TBC1D9: variants seen among roughly 807,000 people sequenced by gnomAD.
The protein encoded by TBC1D9 is TBC1 domain family member 9, also known as TBC1 domain family member 9A.
Under a neutral mutation model 132.0 loss-of-function variants are expected in TBC1D9, and 63 were observed. The ratio of observed to expected loss-of-function variants is 0.48; its 90% CI spans 0.39 to 0.59. TBC1D9 has a LOEUF of 0.59. TBC1D9 is among the 20% of genes least tolerant of loss of function. The pLI is 0.00. For synonymous variants in TBC1D9, 610 were observed against 609.9 expected (o/e 1.00, Z 0.00); for missense variants, 1,261 against 1,592.7 (o/e 0.79, Z 3.54).
chr4:140,661,380 T>C (rs929674161), intron 10 of TBC1D9, among the ~76,000 whole-genome samples: 2 of 152,218 alleles, frequency 1.3e-5, no homozygotes, highest in African/African-American at 4.8e-5. Context: ...ATATAAAAGC[T>C]CTATTCAAGG....
chr4:140,709,144 C>T (rs1344836924), intron 1 of TBC1D9, among the ~76,000 whole-genome samples: 1 of 151,658 alleles, frequency 6.6e-6, no homozygotes, highest in African/African-American at 2.4e-5. Flanking sequence ...CTTCTCATAA[C>T]CCCATTCTAG....
At chr4:140,731,819 G>T (rs895949813) in intron 1 of TBC1D9, among the ~76,000 whole-genome samples, 8 of 151,984 alleles carry the variant, frequency 5.3e-5, no homozygotes, top group Non-Finnish European at 1.5e-5. Context: ...GGTGGAATTT[G>T]GTCTCAAAGC....
At chr4:140,682,834 T>C (rs1174423014) in intron 3 of TBC1D9, among the ~76,000 whole-genome samples, 2 of 152,194 alleles carry the variant, frequency 1.3e-5, no homozygotes, top group Non-Finnish European at 2.9e-5. Flanking sequence ...AGCAGAAGTA[T>C]GCTATCTAAA....
At chr4:140,702,923 CTT>C (rs1487585728) in intron 1 of TBC1D9, among the ~76,000 whole-genome samples, 1 of 152,106 alleles carries the variant, frequency 6.6e-6, no homozygotes, top group Admixed American at 6.5e-5. Context: ...GCCCAAGACA[CTT>C]TATTTCCAAA....
chr4:140,704,665 T>A (rs973746855), intron 1 of TBC1D9, among the ~76,000 whole-genome samples: 2 of 152,084 alleles, frequency 1.3e-5, no homozygotes, highest in African/African-American at 4.8e-5. Context: ...ACTTTTGTCC[T>A]CTGTAACACA....
At chr4:140,742,349 T>C (rs996806037) in intron 1 of TBC1D9, among the ~76,000 whole-genome samples, 1 of 151,804 alleles carries the variant, frequency 6.6e-6, no homozygotes, top group Non-Finnish European at 1.5e-5. Context: ...CTGGCCAATA[T>C]GGTGAAACCC....
At chr4:140,629,350 T>C (rs571252762) in intron 16 of TBC1D9, among the ~76,000 whole-genome samples, 217 of 152,220 alleles carry the variant, frequency 1.4e-3, no homozygotes, top group Non-Finnish European at 2.6e-3. Context: ...TATGTTACTT[T>C]GGGGAAAGAA....
At chr4:140,635,842 G>A (rs1019760504) in intron 15 of TBC1D9, among the ~76,000 whole-genome samples, 1 of 152,166 alleles carries the variant, frequency 6.6e-6, no homozygotes, top group African/African-American at 2.4e-5. Context: ...GTGGAGGCGG[G>A]TGTGTCAGTG....
chr4:140,708,553 T>C (rs1738181601), intron 1 of TBC1D9, among the ~76,000 whole-genome samples: 1 of 152,150 alleles, frequency 6.6e-6, no homozygotes, highest in African/African-American at 2.4e-5. Flanking sequence ...GACTGGTAAA[T>C]ACGGTTTGCA....
At chr4:140,720,397 T>C (rs2111057649) in intron 1 of TBC1D9, among the ~76,000 whole-genome samples, 1 of 152,350 alleles carries the variant, frequency 6.6e-6, no homozygotes, top group South Asian at 2.1e-4. Flanking sequence ...AGGAAACTTC[T>C]TATGAGGAAG....
chr4:140,709,818 T>C (rs1389958336), intron 1 of TBC1D9, among the ~76,000 whole-genome samples: 1 of 152,210 alleles, frequency 6.6e-6, no homozygotes, highest in African/African-American at 2.4e-5. Context: ...CCTAGATCCC[T>C]TGCATGTGCA....
chr4:140,631,751 C>A (rs1200944169), intron 16 of TBC1D9, among the ~76,000 whole-genome samples: 1 of 151,924 alleles, frequency 6.6e-6, no homozygotes, highest in Non-Finnish European at 1.5e-5. Flanking sequence ...GACCTGCCAC[C>A]ACGCCTGGCT....
At chr4:140,648,371 G>T (rs191789921) in intron 13 of TBC1D9, among the ~76,000 whole-genome samples, 2 of 150,732 alleles carry the variant, frequency 1.3e-5, no homozygotes, top group South Asian at 2.1e-4. Context: ...GAGCAGAAAG[G>T]CAGTTTTGTT....
chr4:140,701,379 C>G lies in TBC1D9; in HGVS notation c.241+125G>C, dbSNP rs576774582. The G allele has an allele frequency of 4.3e-6, 3 of 700,360 alleles. No homozygotes were observed. The South Asian group carries it at 5.5e-5, about 13-fold the overall frequency. The allele number at this position is 700,360 out of a possible 1,614,324, so 43.4% of individuals were successfully genotyped here. ...TTGGGTTCATGTGTTGAAATGGCTA[C>G]GGTTAATTACCCTAAAATACCAGTG... On this transcript the variant is annotated intron_variant, in intron 2 of 20. Coordinates refer to ENST00000442267, the MANE Select transcript of TBC1D9 (RefSeq NM_015130.3).
chr4:140,739,722 G>A (rs1738730195), intron 1 of TBC1D9, among the ~76,000 whole-genome samples: 1 of 152,198 alleles, frequency 6.6e-6, no homozygotes. Context: ...AGGCATTAAA[G>A]CTGGGCACAG....
In TBC1D9 at chr4:140,669,535, C is replaced by T. The variant is rs1737501786; in HGVS notation, c.1437+99G>A. 20 of 1,281,216 alleles carry T rather than the reference C, an allele frequency of 1.6e-5. No individual in the cohort carries two copies. The South Asian group carries it at 2.9e-4, about 19-fold the overall frequency. 79.4% of individuals were successfully genotyped at this position (1,281,216 alleles called of 1,614,324 possible). On this transcript the variant is annotated intron_variant, in intron 8 of 20. Coordinates refer to ENST00000442267, the MANE Select transcript of TBC1D9 (RefSeq NM_015130.3). The stretch of plus-strand genomic sequence containing the variant: ...TCTGCTTAACTTATAGGAAAATCTC[C>T]ATTTACATAGGCATGTGTGAATTTA...
At chr4:140,627,314 T>G in intron 18 of TBC1D9, 127 bp downstream of exon 18, 1 of 636,708 alleles carries the variant, frequency 1.6e-6, no homozygotes, top group South Asian at 2.0e-5. Flanking sequence ...GAAAGGAAAG[T>G]AACCAATTAA....
rs1737158841 is a variant in TBC1D9 at position 140,649,734 on chromosome 4, T to G, written c.2337+7363A>C. ...TGTTCAGGAGGGCAGAAGAAGAGGG[T>G]GAGGGGGGCAGAGGAGGCAGGAGAT... On this transcript the variant is annotated intron_variant, in intron 13 of 20. Transcript: ENST00000442267. Among the ~76,000 whole-genome samples the G allele has an allele frequency of 1.3e-5, 2 of 151,596 alleles. 1 individual carries two copies. The highest frequency in any genetic ancestry group is 2.9e-5 in the Non-Finnish European group (2 of 67,928).
intron 13 of TBC1D9, chr4:140,645,551 C>T (rs777680416): frequency 1.7e-5 from 5 of 298,124 alleles, no homozygotes; most frequent in South Asian, 3.0e-5. Context: ...TCCGCACTTC[C>T]TCCAGGCATG....
Sources: gnomAD v4.1 joint callset for allele counts (sites outside exome capture counted in the v4.1 genomes callset) on GRCh38, gnomAD v4.1.1 for gene constraint, MANE v1.5 for transcripts, NCBI Gene and HGNC (gene_info 2026-07-23, HGNC 2026-07-21) for gene names.